ETV3: variants seen among roughly 807,000 people sequenced by gnomAD.
ETV3 encodes the protein ETS variant transcription factor 3.
A neutral mutation model predicts 33.0 loss-of-function variants in ETV3; 8 were observed. The observed-to-expected ratio is 0.24, with a 90% CI of 0.14 to 0.44. The LOEUF (loss-of-function observed/expected upper bound fraction) is 0.44. ETV3 is among the 20% of genes least tolerant of loss of function. ETV3 has a pLI of 1.00. For missense variants in ETV3, 473 were observed against 652.3 expected (o/e 0.73, Z 2.99); for synonymous variants, 222 against 238.9 (o/e 0.93, Z 0.65).
intron 2 of ETV3, 54 bp downstream of exon 2, chr1:157,136,253 G>A (rs1380042995): frequency 3.0e-5 from 47 of 1,549,302 alleles, no homozygotes; most frequent in Non-Finnish European, 3.7e-5. Flanking sequence ...GGAGAGGACA[G>A]GAACCACTGA....
In ETV3 at chr1:157,124,898, C is replaced by T; in HGVS notation, c.1482G>A (p.Lys494=). The T allele has an allele frequency of 6.4e-7, 1 of 1,551,536 alleles. No individual in the cohort carries two copies. Among genetic ancestry groups the T allele is most frequent in the Non-Finnish European group, 8.7e-7 (1 of 1,146,904 alleles). ...PEARELSKSG[K]FLWNGSGPQG... ...GGGGTCCTGACCCATTCCAGAGAAA[C>T]TTGCCACTCTTGCTCAGCTCTCGGG... The change falls in exon 5 of 5, where the codon AAG becomes AAA. Residue 494 remains lysine, a synonymous_variant. Transcript: ENST00000368192.
chr1:157,133,950 T>G, intron 4 of ETV3, 162 bp downstream of exon 4: 2 of 1,445,702 alleles, frequency 1.4e-6, no homozygotes, highest in Non-Finnish European at 1.8e-6. Flanking sequence ...TAACTCTCCT[T>G]ATAAGTGAGA....
intron 4 of ETV3, chr1:157,128,609 C>T: frequency 4.3e-6 from 1 of 230,926 alleles, no homozygotes; most frequent in African/African-American, 2.3e-5. Context: ...ATGATCTTTG[C>T]CGACATTAAG....
chr1:157,124,793 T>C lies in ETV3; in HGVS notation c.*48A>G. The C allele has an allele frequency of 3.6e-6, 1 of 278,186 alleles. No homozygotes were observed. The allele number at this position is 278,186 out of a possible 1,614,324, so 17.2% of individuals were successfully genotyped here. On this transcript the variant is annotated 3_prime_UTR_variant, in exon 5 of 5. Transcript: ENST00000368192. Reference sequence around the variant, plus strand: ...CCTGAAATCTTGCTACATAAATACATGTATGTATTTGATTATAGTATAAAC... The same window carrying C: ...CCTGAAATCTTGCTACATAAATACACGTATGTATTTGATTATAGTATAAAC...
rs1342010336 is a variant in ETV3, at chr1:157,125,365, A to C, written c.1015T>G (p.Ser339Ala). 6.4e-7 allele frequency: 1 copy of C among 1,551,664 alleles called. No individual in the cohort carries two copies. The highest frequency in any genetic ancestry group is 8.7e-7 in the Non-Finnish European group (1 of 1,146,992). ...TGCAGCTTGATGGAGAACTGAGTTG[A>C]CTCCTCAGGATGCATTTGGCACTGC... Reference protein sequence around the residue: ...PLQCQMHPEESTQFSIKLQPP... With the variant: ...PLQCQMHPEEATQFSIKLQPP... The change falls in exon 5 of 5, where the codon TCA becomes GCA. Residue 339 changes from serine to alanine, a missense_variant. Around this residue, in one of 3 missense-constraint regions of ETV3, gnomAD observed 410 missense variants for 520.2 expected, o/e 0.79. Transcript: ENST00000368192. This position sits in a 1 kb window ranked among gnomAD's most constrained non-coding sequence, Gnocchi z 4.0.
chr1:157,129,473 A>T (rs1296423526), intron 4 of ETV3, among the ~76,000 whole-genome samples: 8 of 152,248 alleles, frequency 5.3e-5, no homozygotes, highest in Admixed American at 5.2e-4. Flanking sequence ...AAAGGAATTA[A>T]GTAGAGGAAA....
intron 1 of ETV3, among the ~76,000 whole-genome samples, chr1:157,137,091 G>A (rs1675130023): frequency 6.6e-6 from 1 of 152,224 alleles, no homozygotes. Flanking sequence ...CTTCTGGCCA[G>A]TGAGTGGAAG....
intron 3 of ETV3, chr1:157,135,228 G>C: frequency 1.7e-6 from 1 of 599,686 alleles, no homozygotes; most frequent in Non-Finnish European, 2.9e-6. Context: ...TCAGCTGTCT[G>C]TCAGGATCCA....
At position 157,125,254 on chromosome 1, in the gene ETV3, T is replaced by C; in HGVS notation, c.1126A>G (p.Ile376Val). ...APVTTPTMAS[I>V]PPRIKVEPAS... ...GGTTCCACCTTGATTCTTGGGGGAATAGAAGCCATGGTGGGCGTGGTGACT... is the reference window on the plus strand; with the variant it reads ...GGTTCCACCTTGATTCTTGGGGGAACAGAAGCCATGGTGGGCGTGGTGACT... The change falls in exon 5 of 5, where the codon ATT becomes GTT. Residue 376 changes from isoleucine to valine, a missense_variant. Transcript: ENST00000368192. The surrounding 1 kb of genome is among the most constrained non-coding windows in gnomAD (Gnocchi z 4.0). The C allele has an allele frequency of 1.9e-6, 3 of 1,552,182 alleles. No individual in the cohort carries two copies. The highest frequency in any genetic ancestry group is 1.4e-5 in the African/African-American group (1 of 73,168).
At chr1:157,136,482 A>T (rs941925879) in intron 1 of ETV3, 117 bp from the exon 2 acceptor site, 17 of 878,078 alleles carry the variant, frequency 1.9e-5, no homozygotes, top group Middle Eastern at 2.4e-4. Flanking sequence ...TCCGTATGCA[A>T]CTCTCTTTCT....
chr1:157,127,385 C>T (rs1405919895), intron 4 of ETV3, among the ~76,000 whole-genome samples: 4 of 152,172 alleles, frequency 2.6e-5, no homozygotes, highest in Non-Finnish European at 5.9e-5. Flanking sequence ...AATCTATATT[C>T]CTCTAACAAA....
At position 157,123,207 on chromosome 1, in the gene ETV3, G is replaced by A. The variant is rs967722000; in HGVS notation, c.*1634C>T. ...GAGTGATTTCTTCTCTCGCTGCTGC[G>A]ACGCAGATCTGAGCCACAGTCAGGT... On this transcript the variant is annotated 3_prime_UTR_variant, in exon 5 of 5. Coordinates refer to ENST00000368192, the MANE Select transcript of ETV3 (RefSeq NM_001145312.3). 2 of 152,150 alleles carry A rather than the reference G, an allele frequency of 1.3e-5. No homozygotes were observed. Among genetic ancestry groups the A allele is most frequent in the African/African-American group, 4.8e-5 (2 of 41,414 alleles). The allele number at this position is 152,150 out of a possible 1,614,324, so 9.4% of individuals were successfully genotyped here. A position where few individuals can be genotyped will look rare whatever the true frequency, so the allele number is the denominator to read the frequency against.
intron 4 of ETV3, among the ~76,000 whole-genome samples, chr1:157,127,609 C>T (rs1180732035): frequency 2.6e-5 from 4 of 151,090 alleles, no homozygotes; most frequent in African/African-American, 4.9e-5. Context: ...GCAGTGGCAC[C>T]ATCTTGGCTC....
chr1:157,132,017 T>TA (rs1674978713), intron 4 of ETV3, among the ~76,000 whole-genome samples: 1 of 152,210 alleles, frequency 6.6e-6, no homozygotes, highest in African/African-American at 2.4e-5. Context: ...GGCTGGAGTG[T>TA]AGTGGCATGA....
At chr1:157,131,690 G>T in intron 4 of ETV3, among the ~76,000 whole-genome samples, 1 of 152,116 alleles carries the variant, frequency 6.6e-6, no homozygotes, top group Non-Finnish European at 1.5e-5. Flanking sequence ...TTTATCATTT[G>T]TAAAATGTGG....
intron 4 of ETV3, among the ~76,000 whole-genome samples, chr1:157,131,038 A>C (rs925648278): frequency 6.6e-6 from 1 of 152,234 alleles, no homozygotes; most frequent in Non-Finnish European, 1.5e-5. Flanking sequence ...GAAAGAGATA[A>C]AGCAAATGTG....
chr1:157,135,702 T>C lies in ETV3; in HGVS notation c.53A>G (p.Gln18Arg), dbSNP rs1571703021. 6.2e-7 allele frequency: 1 copy of C among 1,614,198 alleles called. No homozygotes were observed. The highest frequency in any genetic ancestry group is 8.5e-7 in the Non-Finnish European group (1 of 1,180,024). Residue 18 changes from glutamine to arginine, a missense_variant, in exon 3 of 5, where the codon CAG becomes CGG. Around this residue, in one of 3 missense-constraint regions of ETV3, gnomAD observed 33 missense variants for 37.1 expected, o/e 0.89. Coordinates refer to ENST00000368192, the MANE Select transcript of ETV3 (RefSeq NM_001145312.3). ...VEKPEGGGGY[Q>R]FPDWAYKTES... is the part of the protein sequence containing the mutation. ...TGTTTTGTAGGCCCAGTCAGGAAAC[T>C]GATACCCTTTCATGTGAGAAGGTCA...
At chr1:157,132,833 C>G (rs577120774) in intron 4 of ETV3, among the ~76,000 whole-genome samples, 1 of 151,600 alleles carries the variant, frequency 6.6e-6, no homozygotes, top group Non-Finnish European at 1.5e-5. Context: ...ATAGCAGAGT[C>G]AAGCTAAAAC....
At chr1:157,134,638 G>C (rs1675050445) in intron 3 of ETV3, among the ~76,000 whole-genome samples, 2 of 152,234 alleles carry the variant, frequency 1.3e-5, no homozygotes, top group South Asian at 4.1e-4. Context: ...GATGTGGTTA[G>C]TCTGGAGGCC....
Sources: allele counts gnomAD v4.1 joint callset (sites outside exome capture counted in the v4.1 genomes callset), GRCh38; gene constraint gnomAD v4.1.1; regional missense constraint gnomAD v4.1.1; non-coding constraint Gnocchi (gnomAD v3.1); transcripts MANE v1.5; gene names NCBI Gene and HGNC (gene_info 2026-07-23, HGNC 2026-07-21).